CNTNAP5: variants seen among roughly 807,000 people sequenced by gnomAD.
CNTNAP5 encodes the protein contactin associated protein family member 5.
Under a neutral mutation model 150.2 loss-of-function variants are expected in CNTNAP5, and 72 were observed. The observed-to-expected ratio is 0.48, with a 90% CI of 0.40 to 0.58. The LOEUF is 0.58. Ranked by LOEUF, CNTNAP5 falls within the 20% of genes least tolerant of loss-of-function variation. CNTNAP5 has a pLI of 0.00. For synonymous variants in CNTNAP5, 672 were observed against 619.8 expected (o/e 1.08, Z -1.25); for missense variants, 1,636 against 1,626.2 (o/e 1.01, Z -0.10).
At chr2:124,429,333 C>T (rs79013809) in intron 4 of CNTNAP5, among the ~76,000 whole-genome samples, 3,804 of 151,832 alleles carry the variant, frequency 0.025, 102 homozygotes, top group African/African-American at 0.064. Context: ...GCTTTGGAAG[C>T]TGATTCTAAG....
At position 124,249,526 on chromosome 2, in the gene CNTNAP5, C is replaced by A. The variant is rs115977664; in HGVS notation, c.381+7133C>A. Among the ~76,000 whole-genome samples, 396 of 152,350 alleles carry A rather than the reference C, an allele frequency of 2.6e-3. 2 individuals are homozygous for A. Among genetic ancestry groups the A allele is most frequent in the African/African-American group, 9.0e-3 (374 of 41,598 alleles). ...TCCCAGGACTTCAGATAAACTCAAC[C>A]AATTGTTAACCAGAAAGTGTTTAAA... On this transcript the variant is annotated intron_variant, in intron 3 of 23. Coordinates refer to ENST00000682447, the MANE Select transcript of CNTNAP5 (RefSeq NM_001367498.1).
chr2:124,386,160 G>GC (rs1222037731), intron 3 of CNTNAP5, among the ~76,000 whole-genome samples: 2 of 152,128 alleles, frequency 1.3e-5, no homozygotes, highest in African/African-American at 4.8e-5. Flanking sequence ...GGAACCAAAT[G>GC]CCTGCCTTTG....
rs529204078 is a variant in CNTNAP5, at chr2:124,209,093, C to T, written c.83-12612C>T. On this transcript the variant is annotated intron_variant, in intron 1 of 23. Transcript: ENST00000682447. ...GGATGCACAAGGTACTGAGACCCAC[C>T]GCTGTGATGTTTCCATTCTATCTCA... 1.9e-4 allele frequency among the ~76,000 whole-genome samples: 29 copies of T among 152,252 alleles called. No homozygotes were observed. In the South Asian group the frequency reaches 5.4e-3, roughly 28 times the overall value.
rs1478426785 is a variant in CNTNAP5 at position 124,510,277 on chromosome 2, ATC to A, written c.1327+5723_1327+5724del. Among the ~76,000 whole-genome samples, 23 of 37,740 alleles carry A rather than the reference ATC, an allele frequency of 6.1e-4. 1 individual carries two copies. The Admixed American group carries it at 0.012, about 20-fold the overall frequency. 24.8% of individuals were successfully genotyped at this position (37,740 alleles called of 152,430 possible). Reference sequence around the variant, plus strand: ...TATATCTATATATCTATATATCTATATCTATATCTATATATCTATATATCTAT... The same window carrying A: ...TATATCTATATATCTATATATCTATATATATCTATATATCTATATATCTAT... On this transcript the variant is annotated intron_variant, in intron 8 of 23. Transcript: ENST00000682447.
intron 21 of CNTNAP5, among the ~76,000 whole-genome samples, chr2:124,882,070 C>A (rs1002809268): frequency 2.6e-5 from 4 of 152,004 alleles, no homozygotes; most frequent in African/African-American, 4.8e-5. Context: ...TTAGGAAAAC[C>A]AGCACAGCCT....
Position 124,457,309 on chromosome 2 carries a change from T to C in CNTNAP5, c.918+10372T>C, listed in dbSNP as rs149978368. On this transcript the variant is annotated intron_variant, in intron 6 of 23. Coordinates refer to ENST00000682447, the MANE Select transcript of CNTNAP5 (RefSeq NM_001367498.1). ...ACAAAGATAAATAGCTAGGACTTAA[T>C]TAAACTGAAGAGCTTTTGCACAGCA... Among the ~76,000 whole-genome samples, 305 of 152,282 alleles carry C rather than the reference T, an allele frequency of 2.0e-3. 1 individual carries two copies. The highest frequency in any genetic ancestry group is 6.9e-3 in the African/African-American group (287 of 41,562).
intron 6 of CNTNAP5, among the ~76,000 whole-genome samples, chr2:124,473,809 A>T (rs576756178): frequency 6.6e-6 from 1 of 152,080 alleles, no homozygotes; most frequent in Admixed American, 6.6e-5. Context: ...AAAAATACTC[A>T]TAACAGGCCG....
At chr2:124,674,334 T>C in intron 13 of CNTNAP5, among the ~76,000 whole-genome samples, 1 of 150,440 alleles carries the variant, frequency 6.6e-6, no homozygotes. Context: ...CATCCTTCCC[T>C]CCTTCCCTCC....
chr2:124,303,911 A>C (rs977146795), intron 3 of CNTNAP5, among the ~76,000 whole-genome samples: 9 of 152,168 alleles, frequency 5.9e-5, no homozygotes, highest in African/African-American at 2.2e-4. Flanking sequence ...GCATGCCAGT[A>C]GTTCCAGATA....
intron 6 of CNTNAP5, among the ~76,000 whole-genome samples, chr2:124,459,286 T>C (rs911651453): frequency 6.6e-6 from 1 of 152,142 alleles, no homozygotes; most frequent in African/African-American, 2.4e-5. Flanking sequence ...TGTGAGAAGG[T>C]GAAGGCCAGT....
chr2:124,295,219 C>CT (rs1688392798), intron 3 of CNTNAP5, among the ~76,000 whole-genome samples: 1 of 112,958 alleles, frequency 8.9e-6, no homozygotes, highest in African/African-American at 3.3e-5. Context: ...TTTTTTTTTT[C>CT]TTTTTTTGCA....
At chr2:124,262,450 A>C (rs779976) in intron 3 of CNTNAP5, among the ~76,000 whole-genome samples, 1 of 151,976 alleles carries the variant, frequency 6.6e-6, no homozygotes, top group Non-Finnish European at 1.5e-5. Context: ...CTTTGCTAAC[A>C]TTGCTATTGC....
intron 13 of CNTNAP5, among the ~76,000 whole-genome samples, chr2:124,739,085 C>T (rs768790993): frequency 5.9e-5 from 9 of 152,134 alleles, no homozygotes; most frequent in Non-Finnish European, 7.4e-5. Context: ...GAAATGATCC[C>T]ATCAAAATGA....
intron 13 of CNTNAP5, among the ~76,000 whole-genome samples, chr2:124,708,832 G>A (rs1003674254): frequency 1.3e-4 from 20 of 152,156 alleles, no homozygotes; most frequent in Non-Finnish European, 2.9e-5. Context: ...GATAACTGTG[G>A]TGAATCAGCA....
At chr2:124,819,233 T>C (rs1682433836) in intron 19 of CNTNAP5, among the ~76,000 whole-genome samples, 1 of 152,188 alleles carries the variant, frequency 6.6e-6, no homozygotes, top group Non-Finnish European at 1.5e-5. Context: ...AGGGCACAGA[T>C]GTTGTCCTTT....
At chr2:124,397,558 G>A (rs773175297) in intron 3 of CNTNAP5, among the ~76,000 whole-genome samples, 3 of 152,080 alleles carry the variant, frequency 2.0e-5, no homozygotes, top group Non-Finnish European at 2.9e-5. Context: ...TTGCAGGAGC[G>A]TTCAGTCTAT....
chr2:124,070,840 A>G (rs1682286844), intron 1 of CNTNAP5, among the ~76,000 whole-genome samples: 1 of 152,060 alleles, frequency 6.6e-6, no homozygotes, highest in Admixed American at 6.6e-5. Context: ...TGCACTGTAC[A>G]GCAAATGGAT....
chr2:124,295,375 G>C (rs1368016869), intron 3 of CNTNAP5, among the ~76,000 whole-genome samples: 1 of 152,134 alleles, frequency 6.6e-6, no homozygotes, highest in Non-Finnish European at 1.5e-5. Flanking sequence ...TTTCAGCCTT[G>C]TATGCTCGAA....
intron 1 of CNTNAP5, among the ~76,000 whole-genome samples, chr2:124,184,738 G>C (rs72838229): frequency 0.1 from 15,893 of 152,136 alleles, 1,127 homozygotes; most frequent in East Asian, 0.29. Context: ...GACCCAGAGA[G>C]GCACAGCCTG....
Sources: allele counts gnomAD v4.1 joint callset (sites outside exome capture counted in the v4.1 genomes callset), GRCh38; gene constraint gnomAD v4.1.1; transcripts MANE v1.5; gene names NCBI Gene and HGNC (gene_info 2026-07-23, HGNC 2026-07-21).